Variants in CD96 observed in about 807,000 individuals in gnomAD.
CD96 encodes T-cell surface protein tactile.
A neutral mutation model predicts 71.3 loss-of-function variants in CD96; 70 were observed. The observed-to-expected ratio is 0.98, with a 90% CI of 0.81 to 1.20. CD96 has a LOEUF of 1.20. CD96 is among the 50% of genes most tolerant of loss of function. The pLI is 0.00. For synonymous variants in CD96, 248 were observed against 233.0 expected (o/e 1.06, Z -0.59); for missense variants, 742 against 677.5 (o/e 1.10, Z -1.06).
At chr3:111,616,046 T>C (rs561612889) in intron 8 of CD96, among the ~76,000 whole-genome samples, 1 of 152,302 alleles carries the variant, frequency 6.6e-6, no homozygotes, top group South Asian at 2.1e-4. Context: ...GACCATCATA[T>C]TTTAAATTGC....
chr3:111,638,245 C>T, intron 12 of CD96, 77 bp downstream of exon 12: 1 of 920,950 alleles, frequency 1.1e-6, no homozygotes, highest in Non-Finnish European at 1.8e-6. Flanking sequence ...CTGCCATTTG[C>T]CAGGCATTAT....
intron 8 of CD96, among the ~76,000 whole-genome samples, chr3:111,621,488 G>A (rs768333091): frequency 2.5e-4 from 38 of 151,300 alleles, no homozygotes; most frequent in Non-Finnish European, 4.9e-4. Context: ...TTTTTACCTT[G>A]TCTTGTCCCA....
intron 1 of CD96, 111 bp downstream of exon 1, chr3:111,542,420 C>A: frequency 9.4e-6 from 2 of 213,030 alleles, no homozygotes; most frequent in Non-Finnish European, 1.0e-5. Context: ...CACCAAAGGA[C>A]AAATCATTAC....
At chr3:111,660,876 G>C (rs1940337531) in intron 14 of CD96, among the ~76,000 whole-genome samples, 1 of 152,088 alleles carries the variant, frequency 6.6e-6, no homozygotes, top group African/African-American at 2.4e-5. Context: ...ACTCAAAATG[G>C]ATCAAATATT....
intron 5 of CD96, among the ~76,000 whole-genome samples, chr3:111,587,662 G>T (rs1488344388): frequency 6.6e-6 from 1 of 152,220 alleles, no homozygotes; most frequent in African/African-American, 2.4e-5. Context: ...GGCCCCGCCT[G>T]CAGCAAACTT....
intron 4 of CD96, 25 bp downstream of exon 4, chr3:111,579,259 C>A: frequency 2.5e-6 from 3 of 1,214,300 alleles, no homozygotes; most frequent in Non-Finnish European, 3.7e-6. Context: ...TCTACAGACT[C>A]ACTGGCATCC....
intron 8 of CD96, among the ~76,000 whole-genome samples, chr3:111,620,877 C>A (rs191703617): frequency 6.6e-6 from 1 of 152,178 alleles, no homozygotes; most frequent in Admixed American, 6.5e-5. Flanking sequence ...TAGGTAGAAT[C>A]AAATGAGTGA....
intron 3 of CD96, among the ~76,000 whole-genome samples, chr3:111,571,705 A>G (rs1576333607): frequency 1.3e-5 from 2 of 152,206 alleles, no homozygotes; most frequent in East Asian, 3.8e-4. Flanking sequence ...GGTGTTGGCA[A>G]ATGTGCTGAT....
At position 111,545,054 on chromosome 3, in the gene CD96, G is replaced by GA. The variant is rs753799533; in HGVS notation, c.76dup (p.Thr26AsnfsTer15). 6 of 1,613,768 alleles carry GA rather than the reference G, an allele frequency of 3.7e-6. No individual in the cohort carries two copies. In the South Asian group the frequency reaches 5.5e-5, roughly 15 times the overall value. On this transcript the variant is annotated frameshift_variant, in exon 2 of 14. Coordinates refer to ENST00000352690, the MANE Select transcript of CD96 (RefSeq NM_005816.5). LOFTEE classifies it high-confidence loss of function. ...ATGTTCTTTCTTTTCAGGAGTTTGG[G>GA]AAAAAACAGTCAACACAGAAGAAAA...
chr3:111,654,148 G>C (rs969536325), downstream of CD96, among the ~76,000 whole-genome samples: 1 of 152,172 alleles, frequency 6.6e-6, no homozygotes. Flanking sequence ...TGAGACGAGG[G>C]CTGAAATGCA....
chr3:111,632,405 G>A (rs760832180), intron 10 of CD96, among the ~76,000 whole-genome samples: 4 of 151,964 alleles, frequency 2.6e-5, no homozygotes, highest in Admixed American at 6.6e-5. Context: ...AATGCAAATC[G>A]AAACCGCAAT....
chr3:111,586,416 T>A (rs1936716202), intron 5 of CD96, among the ~76,000 whole-genome samples: 2 of 152,214 alleles, frequency 1.3e-5, no homozygotes, highest in South Asian at 4.1e-4. Flanking sequence ...TTGTTTGAGA[T>A]GGTTTTGCAT....
chr3:111,661,368 C>G (rs1940351034), intron 14 of CD96, among the ~76,000 whole-genome samples: 1 of 152,160 alleles, frequency 6.6e-6, no homozygotes, highest in South Asian at 2.1e-4. Flanking sequence ...AATATCATGT[C>G]CTTCTCACAT....
chr3:111,563,905 A>G (rs1935576603), intron 2 of CD96, among the ~76,000 whole-genome samples: 1 of 152,194 alleles, frequency 6.6e-6, no homozygotes, highest in African/African-American at 2.4e-5. Flanking sequence ...GTGTAACTCT[A>G]ACATCTTTCT....
At chr3:111,570,866 C>T (rs878873912) in intron 3 of CD96, 4 of 1,609,412 alleles carry the variant, frequency 2.5e-6, no homozygotes, top group South Asian at 2.2e-5. Context: ...GTCCTGACCG[C>T]TCTTCCAAGG....
At chr3:111,608,670 T>C (rs1937751350) in intron 8 of CD96, among the ~76,000 whole-genome samples, 1 of 152,198 alleles carries the variant, frequency 6.6e-6, no homozygotes, top group Non-Finnish European at 1.5e-5. Context: ...TTTTCTCCAG[T>C]TGGTCTAAAC....
At chr3:111,623,304 GA>G (rs1938596896) in intron 8 of CD96, among the ~76,000 whole-genome samples, 2 of 152,126 alleles carry the variant, frequency 1.3e-5, no homozygotes, top group African/African-American at 4.8e-5. Context: ...TAAAGATGGA[GA>G]AATGACTTTG....
intron 2 of CD96, among the ~76,000 whole-genome samples, chr3:111,561,012 G>T (rs1314326975): frequency 7.0e-6 from 1 of 143,526 alleles, no homozygotes; most frequent in African/African-American, 2.8e-5. Context: ...GGCTCCTGAG[G>T]CTTCTGCATT....
intron 14 of CD96, among the ~76,000 whole-genome samples, chr3:111,662,473 G>T (rs1000042829): frequency 1.3e-5 from 2 of 152,164 alleles, no homozygotes; most frequent in Non-Finnish European, 2.9e-5. Flanking sequence ...AACCTTTTAT[G>T]CTGTGCTTCC....
Sources: allele counts gnomAD v4.1 joint callset (sites outside exome capture counted in the v4.1 genomes callset), GRCh38; gene constraint gnomAD v4.1.1; transcripts MANE v1.5; gene names NCBI Gene and HGNC (gene_info 2026-07-23, HGNC 2026-07-21).